Variants in EPHB1 observed in about 807,000 individuals in gnomAD.
EPHB1 encodes the protein ephrin type-B receptor 1.
Under a neutral mutation model 94.4 loss-of-function variants are expected in EPHB1, and 30 were observed. That is an observed-to-expected ratio of 0.32 (90% CI 0.24 to 0.43). The LOEUF (loss-of-function observed/expected upper bound fraction) is 0.43, where lower values mean the gene tolerates loss of function less well. EPHB1 is among the 20% of genes least tolerant of loss of function. EPHB1 has a pLI of 1.00. For synonymous variants in EPHB1, 522 were observed against 489.1 expected (o/e 1.07, Z -0.89); for missense variants, 1,055 against 1,308.3 (o/e 0.81, Z 2.99).
chr3:135,257,862 G>T (rs1418624736), intron 15 of EPHB1, among the ~76,000 whole-genome samples: 1 of 152,140 alleles, frequency 6.6e-6, no homozygotes, highest in Non-Finnish European at 1.5e-5. Context: ...AGCAATCAGG[G>T]AGACTCCGTG....
At chr3:135,254,682 T>G (rs13094179) in intron 15 of EPHB1, among the ~76,000 whole-genome samples, 13,288 of 142,790 alleles carry the variant, frequency 0.093, 673 homozygotes, top group Middle Eastern at 0.21. Context: ...TCTCTTTTTT[T>G]TGTGTGTGTC....
intron 13 of EPHB1, among the ~76,000 whole-genome samples, chr3:135,244,488 TTC>T (rs1943873471): frequency 6.6e-6 from 1 of 152,332 alleles, no homozygotes; most frequent in South Asian, 2.1e-4. Context: ...CAGAATTCAC[TTC>T]TGTTTTCAAC....
At chr3:134,821,437 T>G (rs2036378625) in intron 1 of EPHB1, among the ~76,000 whole-genome samples, 1 of 137,884 alleles carries the variant, frequency 7.3e-6, no homozygotes, top group Admixed American at 6.9e-5. Flanking sequence ...GATAGTAAAA[T>G]GGTAAAAAAA....
chr3:134,920,592 T>C (rs2038664261), intron 1 of EPHB1, among the ~76,000 whole-genome samples: 1 of 152,224 alleles, frequency 6.6e-6, no homozygotes, highest in African/African-American at 2.4e-5. Flanking sequence ...GGAAGGACAC[T>C]GTAAATATTT....
chr3:135,085,904 C>T (rs1938344879), intron 3 of EPHB1, among the ~76,000 whole-genome samples: 1 of 152,170 alleles, frequency 6.6e-6, no homozygotes, highest in Admixed American at 6.5e-5. Flanking sequence ...TAGTGCCATA[C>T]ACACAAATTA....
At chr3:134,882,761 C>CTTTCTTTCTTTCTTTCTTTCTTT (rs59448814) in intron 1 of EPHB1, among the ~76,000 whole-genome samples, 2 of 31,262 alleles carry the variant, frequency 6.4e-5, no homozygotes, top group African/African-American at 1.4e-4. Context: ...TTTCTTCCTT[C>CTTTCTTTCTTTCTTTCTTTCTTT]CTTCCTTTCT....
chr3:135,093,354 C>A (rs1211324903), intron 3 of EPHB1, among the ~76,000 whole-genome samples: 1 of 152,180 alleles, frequency 6.6e-6, no homozygotes, highest in Non-Finnish European at 1.5e-5. Flanking sequence ...TGGGGCCTCA[C>A]TTCTCGCCTT....
chr3:135,065,018 G>A (rs188828870), intron 3 of EPHB1, among the ~76,000 whole-genome samples: 4 of 152,196 alleles, frequency 2.6e-5, no homozygotes, highest in East Asian at 1.9e-4. Flanking sequence ...GGTTTTGAGG[G>A]TTCCTTTTGG....
intron 13 of EPHB1, among the ~76,000 whole-genome samples, chr3:135,241,728 G>A (rs540694091): frequency 6.5e-4 from 99 of 152,314 alleles, no homozygotes; most frequent in African/African-American, 2.1e-3. Context: ...TGCCTCTGAC[G>A]GCTATGCTCC....
At chr3:135,214,611 A>T (rs931339092) in intron 12 of EPHB1, among the ~76,000 whole-genome samples, 8 of 152,114 alleles carry the variant, frequency 5.3e-5, no homozygotes, top group African/African-American at 1.7e-4. Context: ...CAGCACCCTC[A>T]TCTCACCACC....
chr3:135,035,342 T>C (rs1273468487), intron 3 of EPHB1, among the ~76,000 whole-genome samples: 2 of 152,218 alleles, frequency 1.3e-5, no homozygotes. Flanking sequence ...AGAAACTGGC[T>C]TCTACCCACA....
intron 3 of EPHB1, among the ~76,000 whole-genome samples, chr3:135,025,674 C>T (rs1305348501): frequency 2.3e-5 from 1 of 44,022 alleles, no homozygotes; most frequent in Admixed American, 3.8e-4. Context: ...AATAAACATA[C>T]GTGTGCATGT....
chr3:135,171,188 C>T (rs1164374320), intron 9 of EPHB1, among the ~76,000 whole-genome samples: 1 of 152,094 alleles, frequency 6.6e-6, no homozygotes, highest in Non-Finnish European at 1.5e-5. Context: ...AATATGAGGA[C>T]CTCGTCTAAT....
intron 3 of EPHB1, among the ~76,000 whole-genome samples, chr3:135,105,912 C>T (rs955826920): frequency 2.0e-5 from 3 of 152,182 alleles, no homozygotes; most frequent in Non-Finnish European, 4.4e-5. Context: ...AGCCCTTTGC[C>T]ATCATTCATA....
chr3:135,239,284 T>C (rs1943724430), intron 12 of EPHB1, among the ~76,000 whole-genome samples: 1 of 125,546 alleles, frequency 8.0e-6, no homozygotes, highest in Non-Finnish European at 1.8e-5. Flanking sequence ...TGCTGTTTGC[T>C]CCTTTTTTTT....
chr3:134,952,713 A>G (rs548973043), intron 3 of EPHB1, among the ~76,000 whole-genome samples: 39 of 152,306 alleles, frequency 2.6e-4, no homozygotes, highest in African/African-American at 8.9e-4. Flanking sequence ...AATGACACAG[A>G]GTAGTGCAAA....
chr3:135,208,949 T>G (rs1942968656), intron 12 of EPHB1, among the ~76,000 whole-genome samples: 1 of 152,178 alleles, frequency 6.6e-6, no homozygotes, highest in Non-Finnish European at 1.5e-5. Flanking sequence ...AACACATCTT[T>G]TTTTTGTGCC....
intron 1 of EPHB1, among the ~76,000 whole-genome samples, chr3:134,867,842 A>T (rs1339548991): frequency 6.6e-6 from 1 of 152,090 alleles, no homozygotes; most frequent in East Asian, 1.9e-4. Context: ...ATGCTGTGGG[A>T]GTTGTGTGCT....
At chr3:135,010,433 T>A (rs1447144158) in intron 3 of EPHB1, among the ~76,000 whole-genome samples, 1 of 152,204 alleles carries the variant, frequency 6.6e-6, no homozygotes, top group Non-Finnish European at 1.5e-5. Flanking sequence ...CCACTATGGT[T>A]TCTTTGTCCT....
Sources: gnomAD v4.1 joint callset for allele counts (sites outside exome capture counted in the v4.1 genomes callset) on GRCh38, gnomAD v4.1.1 for gene constraint, MANE v1.5 for transcripts, NCBI Gene and HGNC (gene_info 2026-07-23, HGNC 2026-07-21) for gene names.